TMEFF1: variants seen among roughly 807,000 people sequenced by gnomAD.
TMEFF1 encodes tomoregulin-1.
TMEFF1 carries 20 observed loss-of-function variants against 47.5 expected under a neutral mutation model. That is an observed-to-expected ratio of 0.42 (90% CI 0.30 to 0.61). The LOEUF (loss-of-function observed/expected upper bound fraction) is 0.61, where lower values mean the gene tolerates loss of function less well. Among genes scored for constraint, TMEFF1 ranks in the 20% least tolerant of loss-of-function variants. TMEFF1 has a pLI of 0.19. For missense variants in TMEFF1, 411 were observed against 471.1 expected (o/e 0.87, Z 1.18); for synonymous variants, 162 against 166.3 (o/e 0.97, Z 0.20).
At chr9:100,509,330 T>C (rs1046118511) in intron 3 of TMEFF1, among the ~76,000 whole-genome samples, 196 bp downstream of exon 3, 1 of 152,188 alleles carries the variant, frequency 6.6e-6, no homozygotes, top group East Asian at 1.9e-4. Context: ...TATAGACTTA[T>C]GTTACTCCTT....
chr9:100,484,580 A>C (rs1364328761), intron 1 of TMEFF1, among the ~76,000 whole-genome samples: 1 of 151,698 alleles, frequency 6.6e-6, no homozygotes, highest in Non-Finnish European at 1.5e-5. Flanking sequence ...TGGCCTCCCA[A>C]AGTGTTGGGA....
intron 5 of TMEFF1, among the ~76,000 whole-genome samples, chr9:100,538,613 T>C (rs1564022302): frequency 6.6e-6 from 1 of 152,242 alleles, no homozygotes; most frequent in Non-Finnish European, 1.5e-5. Context: ...GGTCCCTTAA[T>C]GATCTATAAT....
intron 5 of TMEFF1, among the ~76,000 whole-genome samples, chr9:100,542,011 T>A (rs1247807247): frequency 1.3e-5 from 2 of 152,178 alleles, no homozygotes; most frequent in East Asian, 3.8e-4. Flanking sequence ...TGTTATTTAA[T>A]TGGAAAATGT....
At chr9:100,489,050 A>C (rs537562991) in intron 1 of TMEFF1, among the ~76,000 whole-genome samples, 18 of 152,086 alleles carry the variant, frequency 1.2e-4, no homozygotes, top group African/African-American at 3.6e-4. Flanking sequence ...GAAAGTTTCT[A>C]CCTGTTAACA....
intron 3 of TMEFF1, among the ~76,000 whole-genome samples, chr9:100,511,875 T>C (rs766628268): frequency 2.4e-4 from 36 of 152,304 alleles, no homozygotes; most frequent in Non-Finnish European, 5.3e-4. Flanking sequence ...TTACAAAATA[T>C]AACATACAGG....
At chr9:100,554,964 C>A (rs747376187) in intron 7 of TMEFF1, among the ~76,000 whole-genome samples, 3 of 152,112 alleles carry the variant, frequency 2.0e-5, no homozygotes, top group Non-Finnish European at 4.4e-5. Context: ...ACTGTTGGAC[C>A]AGGACAGATA....
chr9:100,480,141 T>G (rs1227235136), intron 1 of TMEFF1, among the ~76,000 whole-genome samples: 1 of 152,218 alleles, frequency 6.6e-6, no homozygotes, highest in East Asian at 1.9e-4. Context: ...CATCTTTTAA[T>G]GAATGTATTG....
chr9:100,500,861 C>T lies in TMEFF1; in HGVS notation c.306+1987C>T, dbSNP rs146927114. Among the ~76,000 whole-genome samples the T allele has an allele frequency of 3.1e-3, 477 of 152,188 alleles. 2 individuals are homozygous for T. The highest frequency in any genetic ancestry group is 0.011 in the African/African-American group (449 of 41,504). ...TGAAGATTATTGTTATTTTTGAAAC[C>T]GTTGGCTGAATTCAAACTGCAGATT... On this transcript the variant is annotated intron_variant, in intron 2 of 9. Transcript: ENST00000374879.
At chr9:100,511,663 CT>C (rs964075090) in intron 3 of TMEFF1, among the ~76,000 whole-genome samples, 46 of 152,224 alleles carry the variant, frequency 3.0e-4, no homozygotes, top group African/African-American at 1.1e-3. Flanking sequence ...TGAAATCTTC[CT>C]TCTGTGACAT....
chr9:100,506,345 T>C lies in TMEFF1; in HGVS notation c.307-2660T>C, dbSNP rs191735718. On this transcript the variant is annotated intron_variant, in intron 2 of 9. Transcript: ENST00000374879. ...ATTTTATTCCAGGACTTATTTTACA[T>C]GTATTCATTTTTTTCTAAATGGGCT... 3.2e-3 allele frequency among the ~76,000 whole-genome samples: 489 copies of C among 152,330 alleles called. 1 individual carries two copies. The highest frequency in any genetic ancestry group is 5.2e-3 in the Non-Finnish European group (353 of 68,030).
intron 5 of TMEFF1, among the ~76,000 whole-genome samples, chr9:100,545,730 A>G (rs909950748): frequency 6.6e-6 from 1 of 152,038 alleles, no homozygotes; most frequent in Non-Finnish European, 1.5e-5. Flanking sequence ...CCCTTATAAA[A>G]CTGAATGCCT....
chr9:100,526,773 T>A (rs1204117362), intron 5 of TMEFF1, among the ~76,000 whole-genome samples: 1 of 151,614 alleles, frequency 6.6e-6, no homozygotes, highest in Non-Finnish European at 1.5e-5. Flanking sequence ...TAAAATGAGT[T>A]AGGGAGTGTT....
chr9:100,488,530 G>A (rs1432601920), intron 1 of TMEFF1, among the ~76,000 whole-genome samples: 1 of 152,192 alleles, frequency 6.6e-6, no homozygotes, highest in African/African-American at 2.4e-5. Context: ...GTTGGTTTGA[G>A]TGCTCATTTT....
chr9:100,480,632 A>G (rs917703319), intron 1 of TMEFF1, among the ~76,000 whole-genome samples: 2 of 152,220 alleles, frequency 1.3e-5, no homozygotes, highest in African/African-American at 4.8e-5. Flanking sequence ...TGGACATTGT[A>G]GATCTAATGG....
intron 5 of TMEFF1, among the ~76,000 whole-genome samples, chr9:100,529,567 T>C (rs557405208): frequency 6.6e-6 from 1 of 151,812 alleles, no homozygotes; most frequent in Non-Finnish European, 1.5e-5. Flanking sequence ...ATGCACCCAA[T>C]ACAGGAGCAC....
At chr9:100,518,804 AC>A (rs1838113695) in intron 5 of TMEFF1, among the ~76,000 whole-genome samples, 1 of 151,804 alleles carries the variant, frequency 6.6e-6, no homozygotes, top group African/African-American at 2.4e-5. Flanking sequence ...TGGTTATGTA[AC>A]TCCCTCAAAG....
At chr9:100,520,501 A>G (rs1184660476) in intron 5 of TMEFF1, among the ~76,000 whole-genome samples, 3 of 152,176 alleles carry the variant, frequency 2.0e-5, no homozygotes, top group African/African-American at 7.2e-5. Context: ...CATTTTGGTG[A>G]GGGGATAAGT....
chr9:100,491,977 C>T (rs1027583208), intron 1 of TMEFF1, among the ~76,000 whole-genome samples: 13 of 150,816 alleles, frequency 8.6e-5, no homozygotes, highest in African/African-American at 2.4e-4. Context: ...CCTCCTGGGT[C>T]GCAGTTCAAG....
chr9:100,505,679 GAATCTATCTGGTAAATTAC>G (rs1837847051), intron 2 of TMEFF1, among the ~76,000 whole-genome samples: 2 of 152,110 alleles, frequency 1.3e-5, no homozygotes, highest in South Asian at 4.1e-4. Flanking sequence ...GGCATCCTTG[GAATCTATCTGGTAAATTAC>G]AGTAATGTCC....
Sources: allele counts gnomAD v4.1 joint callset (sites outside exome capture counted in the v4.1 genomes callset), GRCh38; gene constraint gnomAD v4.1.1; transcripts MANE v1.5; gene names NCBI Gene and HGNC (gene_info 2026-07-23, HGNC 2026-07-21).